Variants in SIPA1L3 observed in about 807,000 individuals in gnomAD.
SIPA1L3 encodes signal induced proliferation associated 1 like 3.
SIPA1L3 carries 59 observed loss-of-function variants against 150.1 expected under a neutral mutation model. The ratio of observed to expected loss-of-function variants is 0.39; its 90% CI spans 0.32 to 0.49. The LOEUF (loss-of-function observed/expected upper bound fraction) is 0.49, where lower values mean the gene tolerates loss of function less well. Among genes scored for constraint, SIPA1L3 ranks in the 20% least tolerant of loss-of-function variants. The pLI, the probability that SIPA1L3 is intolerant of heterozygous loss-of-function variation, is 0.86. For missense variants in SIPA1L3, 2,211 were observed against 2,489.5 expected (o/e 0.89, Z 2.38); for synonymous variants, 1,070 against 1,077.6 (o/e 0.99, Z 0.14).
At chr19:38,067,855 C>T (rs909093228) in intron 2 of SIPA1L3, among the ~76,000 whole-genome samples, 9 of 152,104 alleles carry the variant, frequency 5.9e-5, no homozygotes, top group Non-Finnish European at 8.8e-5. Context: ...GCTGAGACTC[C>T]ACTCGTTGCT....
intron 6 of SIPA1L3, among the ~76,000 whole-genome samples, chr19:38,104,911 C>T (rs760259088): frequency 1.8e-4 from 28 of 152,052 alleles, no homozygotes; most frequent in Non-Finnish European, 2.5e-4. Context: ...AAGCATAGTG[C>T]TCCTGGAATG....
intron 12 of SIPA1L3, among the ~76,000 whole-genome samples, chr19:38,145,203 G>A (rs896195680): frequency 3.3e-5 from 5 of 150,144 alleles, no homozygotes; most frequent in African/African-American, 1.3e-4. Context: ...TTTTTATTTT[G>A]TAATAATTAC....
intron 1 of SIPA1L3, among the ~76,000 whole-genome samples, chr19:37,913,475 A>C (rs1385474517): frequency 6.6e-6 from 1 of 152,106 alleles, no homozygotes; most frequent in Non-Finnish European, 1.5e-5. Flanking sequence ...AGCTCACTGC[A>C]ACCACTGCCT....
rs1165253249 is a variant in SIPA1L3 at position 38,178,088 on chromosome 19, T to TGTGG, written c.4209-4428_4209-4427insGGTG. Among the ~76,000 whole-genome samples, 50 of 7,592 alleles carry TGTGG rather than the reference T, an allele frequency of 6.6e-3. 1 individual carries two copies. The highest frequency in any genetic ancestry group is 0.03 in the African/African-American group (46 of 1,548). 5.0% of individuals were successfully genotyped at this position (7,592 alleles called of 152,430 possible). On this transcript the variant is annotated intron_variant, in intron 15 of 21. Transcript: ENST00000222345. The stretch of plus-strand genomic sequence containing the variant: ...TGTGTGTGCTTGTGCAGGCTTTTGG[T>TGTGG]GTGTGTGTGTGTGTGTGTGTGTGTG...
At chr19:38,106,173 C>T in intron 6 of SIPA1L3, 1 of 263,690 alleles carries the variant, frequency 3.8e-6, no homozygotes, top group Non-Finnish European at 7.2e-6. Context: ...GTGGCGTGAT[C>T]TCGGCTCGCT....
In SIPA1L3 at chr19:38,193,682, C is replaced by T. The variant is rs1157942647; in HGVS notation, c.4742C>T (p.Ser1581Phe). 1 of 1,577,538 alleles carries T rather than the reference C, an allele frequency of 6.3e-7. No homozygotes were observed. The highest frequency in any genetic ancestry group is 1.7e-5 in the Admixed American group (1 of 57,548). ...VLFTSTCAFP[S>F]STLPARRQHQ... Reference sequence around the variant, plus strand: ...TTCACCAGCACCTGCGCCTTCCCGTCCAGCACGCTGCCTGCACGCCGCCAG... The same window carrying T: ...TTCACCAGCACCTGCGCCTTCCCGTTCAGCACGCTGCCTGCACGCCGCCAG... The change falls in exon 18 of 22, where the codon TCC becomes TTC. Residue 1581 changes from serine to phenylalanine, a missense_variant. Ser to Phe is a radical substitution (Grantham distance 155). Around this residue, in one of 5 missense-constraint regions of SIPA1L3, gnomAD observed 806 missense variants for 870.1 expected, o/e 0.93. Transcript: ENST00000222345.
In SIPA1L3 at chr19:38,206,095, A is replaced by T; in HGVS notation, c.5203-2A>T. On this transcript the variant is annotated splice_acceptor_variant, in intron 21 of 21. Coordinates refer to ENST00000222345, the MANE Select transcript of SIPA1L3 (RefSeq NM_015073.3). LOFTEE classifies it high-confidence loss of function. ...CTGATGCCAGCTTCCCACCCTGTGC[A>T]GGAGAAGCAGGACAAGGTGGTGCTC... 6.5e-7 allele frequency: 1 copy of T among 1,543,126 alleles called. No individual in the cohort carries two copies. Among genetic ancestry groups the T allele is most frequent in the Non-Finnish European group, 8.8e-7 (1 of 1,141,880 alleles).
chr19:38,198,400 G>T lies in SIPA1L3; in HGVS notation c.4852G>T (p.Ala1618Ser). 1 of 1,568,734 alleles carries T rather than the reference G, an allele frequency of 6.4e-7. No individual in the cohort carries two copies. Among genetic ancestry groups the T allele is most frequent in the Non-Finnish European group, 8.6e-7 (1 of 1,159,402 alleles). ...CCCTCCCCATCCAGCCACCATCTCA[G>T]CCTCGGAGCTCTCGCTGGCTGATGG... Reference protein sequence around the residue: ...GFPEKKSTISASELSLADGRD... With the variant: ...GFPEKKSTISSSELSLADGRD... The change falls in exon 19 of 22, where the codon GCC (alanine) becomes TCC (serine). Residue 1618 changes from alanine to serine, a missense_variant. Around this residue, in one of 5 missense-constraint regions of SIPA1L3, gnomAD observed 806 missense variants for 870.1 expected, o/e 0.93. Transcript: ENST00000222345.
Position 38,118,871 on chromosome 19 carries a change from C to T in SIPA1L3, c.2292-435C>T, listed in dbSNP as rs1004880698. Among the ~76,000 whole-genome samples the T allele has an allele frequency of 2.7e-5, 4 of 149,414 alleles. No individual in the cohort carries two copies. In the Admixed American group the frequency reaches 2.7e-4, roughly 10 times the overall value. On this transcript the variant is annotated intron_variant, in intron 8 of 21. Transcript: ENST00000222345. ...GATTTCGAATCTGGTTAGCCAGCAA[C>T]TTACTAATTAGATGTGGACTTTCAT...
chr19:37,937,828 T>C (rs1160361309), intron 1 of SIPA1L3, among the ~76,000 whole-genome samples: 1 of 146,256 alleles, frequency 6.8e-6, no homozygotes, highest in Non-Finnish European at 1.5e-5. Flanking sequence ...GGGCAGATCA[T>C]GAGCTTAAGA....
intron 1 of SIPA1L3, among the ~76,000 whole-genome samples, chr19:37,917,195 T>A (rs2046421104): frequency 6.6e-6 from 1 of 152,198 alleles, no homozygotes; most frequent in Non-Finnish European, 1.5e-5. Flanking sequence ...TTTCAGCGTA[T>A]CTCAGTTGGT....
intron 3 of SIPA1L3, among the ~76,000 whole-genome samples, chr19:38,086,235 A>G (rs951946539): frequency 6.6e-6 from 1 of 152,230 alleles, no homozygotes; most frequent in Non-Finnish European, 1.5e-5. Flanking sequence ...AAATACGTAC[A>G]TGAAAGGAAT....
At chr19:37,976,855 G>A (rs1967090101) in intron 1 of SIPA1L3, among the ~76,000 whole-genome samples, 1 of 151,962 alleles carries the variant, frequency 6.6e-6, no homozygotes, top group East Asian at 1.9e-4. Context: ...ATTTTTTTGA[G>A]ATGGGGTCTC....
At chr19:38,123,388 T>C (rs1327003373) in intron 9 of SIPA1L3, among the ~76,000 whole-genome samples, 1 of 148,912 alleles carries the variant, frequency 6.7e-6, no homozygotes, top group African/African-American at 2.5e-5. Flanking sequence ...AGGTCTCTGG[T>C]TTTCCTAGGC....
chr19:38,187,413 C>T lies in SIPA1L3; in HGVS notation c.4430+4673C>T, dbSNP rs1387209953. 1.6e-4 allele frequency among the ~76,000 whole-genome samples: 24 copies of T among 150,652 alleles called. 1 individual carries two copies. Among genetic ancestry groups the T allele is most frequent in the Admixed American group, 1.2e-3 (18 of 15,104 alleles). ...GTTGCAGTGAGACAAGATTGTGCCACTGCACTACAGCCTGGGCAACAAGAG... is the reference window on the plus strand; with the variant it reads ...GTTGCAGTGAGACAAGATTGTGCCATTGCACTACAGCCTGGGCAACAAGAG... On this transcript the variant is annotated intron_variant, in intron 16 of 21. Transcript: ENST00000222345.
At chr19:38,124,250 C>T (rs1045135110) in intron 9 of SIPA1L3, among the ~76,000 whole-genome samples, 4 of 147,096 alleles carry the variant, frequency 2.7e-5, no homozygotes, top group East Asian at 2.1e-4. Flanking sequence ...TCAGATGGGG[C>T]GGTTGCCAGG....
intron 1 of SIPA1L3, among the ~76,000 whole-genome samples, chr19:37,947,083 A>G (rs767923776): frequency 6.6e-6 from 1 of 152,148 alleles, no homozygotes; most frequent in Non-Finnish European, 1.5e-5. Flanking sequence ...GGTCTCAGCT[A>G]CTGGCAAGAC....
chr19:38,020,318 C>T (rs1433601643), intron 1 of SIPA1L3, among the ~76,000 whole-genome samples: 2 of 151,802 alleles, frequency 1.3e-5, no homozygotes, highest in African/African-American at 4.8e-5. Flanking sequence ...TCCGTTCATT[C>T]TTCCCTTTCA....
chr19:38,198,472 C>G lies in SIPA1L3; in HGVS notation c.4924C>G (p.Pro1642Ala). 1.2e-6 allele frequency: 2 copies of G among 1,604,960 alleles called. No individual in the cohort carries two copies. Among genetic ancestry groups the G allele is most frequent in the Non-Finnish European group, 1.7e-6 (2 of 1,176,436 alleles). ...RRLDPGLMPL[P>A]DTAAGLEWSS... ...CCTGGACCCTGGGCTGATGCCCCTG[C>G]CTGACACAGCTGCTGGCCTCGAGTG... is the stretch of plus-strand genomic sequence containing the variant. The change falls in exon 19 of 22, where the codon CCT becomes GCT. Residue 1642 changes from proline (P) to alanine (A), a missense_variant. Transcript: ENST00000222345.
Sources: gnomAD v4.1 joint callset for allele counts (sites outside exome capture counted in the v4.1 genomes callset) on GRCh38, gnomAD v4.1.1 for gene constraint, gnomAD v4.1.1 regional missense constraint, MANE v1.5 for transcripts, NCBI Gene and HGNC (gene_info 2026-07-23, HGNC 2026-07-21) for gene names.